The following RMDN2 variants were observed in gnomAD, a reference collection of about 807,000 sequenced individuals.
The protein encoded by RMDN2 is regulator of microtubule dynamics protein 2.
Under a neutral mutation model 52.8 loss-of-function variants are expected in RMDN2, and 61 were observed. The ratio of observed to expected loss-of-function variants is 1.16; its 90% CI spans 0.94 to 1.43. The LOEUF is 1.43. Among genes scored for constraint, RMDN2 ranks in the 40% most tolerant of loss-of-function variants. The pLI is 0.00. For synonymous variants in RMDN2, 180 were observed against 153.1 expected (o/e 1.18, Z -1.30); for missense variants, 592 against 475.3 (o/e 1.25, Z -2.28).
rs148502333 is a variant in RMDN2 at position 37,967,006 on chromosome 2, G to A, written c.453-7034G>A. On this transcript the variant is annotated intron_variant, in intron 2 of 10. Coordinates refer to ENST00000354545, the MANE Select transcript of RMDN2 (RefSeq NM_001170791.3). Reference sequence around the variant, plus strand: ...GTGGAAGAATGGTGAAATCATTGATGCTTTACAAAAAGTTTATGGGGACAG... The same window carrying A: ...GTGGAAGAATGGTGAAATCATTGATACTTTACAAAAAGTTTATGGGGACAG... 6.0e-3 allele frequency among the ~76,000 whole-genome samples: 911 copies of A among 152,222 alleles called. 11 individuals carry two copies. Among genetic ancestry groups the A allele is most frequent in the African/African-American group, 0.021 (852 of 41,536 alleles).
intron 5 of RMDN2, among the ~76,000 whole-genome samples, chr2:37,985,226 A>G (rs1401557402): frequency 6.6e-6 from 1 of 152,180 alleles, no homozygotes; most frequent in Non-Finnish European, 1.5e-5. Context: ...AAAATAGCAG[A>G]AGATAGATTC....
Position 38,013,290 on chromosome 2 carries a change from A to G in RMDN2, c.1180-3896A>G, listed in dbSNP as rs143598576. The stretch of plus-strand genomic sequence containing the variant: ...CTGAGAAAGCTCAAATATAAAAAGC[A>G]TTATGTAATGTTGTATGATAAGAGG... On this transcript the variant is annotated intron_variant, in intron 10 of 10. Transcript: ENST00000354545. Among the ~76,000 whole-genome samples the G allele has an allele frequency of 1.8e-3, 278 of 152,372 alleles. 4 individuals are homozygous for G. The highest frequency in any genetic ancestry group is 6.4e-3 in the African/African-American group (265 of 41,590).
At chr2:37,940,812 A>G (rs1311205289) in intron 2 of RMDN2, among the ~76,000 whole-genome samples, 3 of 152,152 alleles carry the variant, frequency 2.0e-5, no homozygotes, top group African/African-American at 7.2e-5. Flanking sequence ...CAAGGTTCTT[A>G]GTTTCCTTGC....
chr2:37,925,604 CG>C (rs902260268), intron 1 of RMDN2, among the ~76,000 whole-genome samples, 179 bp downstream of exon 1: 20 of 152,236 alleles, frequency 1.3e-4, no homozygotes, highest in Non-Finnish European at 4.4e-5. Flanking sequence ...GCTGGAGCAG[CG>C]GCCCATAGTG....
chr2:38,028,917 A>G (rs956642353), intron 10 of RMDN2, among the ~76,000 whole-genome samples: 2 of 152,068 alleles, frequency 1.3e-5, no homozygotes, highest in African/African-American at 4.8e-5. Context: ...TTGCCTCCTG[A>G]CCATCCCCAG....
At chr2:38,005,845 G>C (rs7560148) in intron 10 of RMDN2, among the ~76,000 whole-genome samples, 2 of 152,106 alleles carry the variant, frequency 1.3e-5, no homozygotes, top group African/African-American at 4.8e-5. Flanking sequence ...GGTCTAACAT[G>C]TAAGTCTTTA....
At chr2:37,968,438 C>CAAAAAAAAAA in intron 2 of RMDN2, among the ~76,000 whole-genome samples, 1 of 89,158 alleles carries the variant, frequency 1.1e-5, no homozygotes, top group Non-Finnish European at 2.1e-5. Context: ...GACTCTGTCT[C>CAAAAAAAAAA]AAAAAAAAAA....
At chr2:38,044,721 G>T (rs948249226) in intron 10 of RMDN2, among the ~76,000 whole-genome samples, 8 of 151,822 alleles carry the variant, frequency 5.3e-5, no homozygotes, top group Middle Eastern at 3.2e-3. Context: ...CAGCATTTTT[G>T]ATTTCTGGCA....
intron 10 of RMDN2, among the ~76,000 whole-genome samples, chr2:38,053,291 G>A (rs141131574): frequency 1.1e-3 from 167 of 152,156 alleles, no homozygotes; most frequent in Middle Eastern, 3.4e-3. Flanking sequence ...TATACAACAA[G>A]TGATCATTAT....
intron 6 of RMDN2, among the ~76,000 whole-genome samples, chr2:37,990,093 G>A (rs377020819): frequency 9.8e-4 from 144 of 146,504 alleles, no homozygotes; most frequent in South Asian, 2.2e-3. Context: ...CAGTGAGCCA[G>A]GGTCACGCCA....
At chr2:37,941,739 C>T (rs1667806379) in intron 2 of RMDN2, among the ~76,000 whole-genome samples, 1 of 152,156 alleles carries the variant, frequency 6.6e-6, no homozygotes, top group African/African-American at 2.4e-5. Flanking sequence ...GTGGATGCCC[C>T]TTCCCCACCA....
intron 10 of RMDN2, among the ~76,000 whole-genome samples, chr2:38,057,576 T>C (rs1478669400): frequency 1.3e-5 from 2 of 152,182 alleles, no homozygotes; most frequent in African/African-American, 4.8e-5. Context: ...TGGAGCCTGA[T>C]ATAGAAACCA....
chr2:38,012,613 A>G (rs1678165360), intron 10 of RMDN2: 4 of 467,956 alleles, frequency 8.5e-6, no homozygotes, highest in South Asian at 1.6e-5. Context: ...TGATGTCTCC[A>G]TTTGTATTCT....
chr2:38,000,411 T>G lies in RMDN2; in HGVS notation c.1044+2897T>G, dbSNP rs532174701. ...AGTTCAGTGAAGTTTGACAAACTTA[T>G]ATACCTATGTAACCACCACTGTAAC... On this transcript the variant is annotated intron_variant, in intron 8 of 10. Transcript: ENST00000354545. Among the ~76,000 whole-genome samples, 9 of 152,358 alleles carry G rather than the reference T, an allele frequency of 5.9e-5. No individual in the cohort carries two copies. In the South Asian group the frequency reaches 1.7e-3, roughly 28 times the overall value.
At chr2:38,050,347 T>TAA (rs1240270212) in intron 10 of RMDN2, among the ~76,000 whole-genome samples, 19 of 143,748 alleles carry the variant, frequency 1.3e-4, no homozygotes, top group African/African-American at 4.4e-4. Context: ...TATCCCCTAT[T>TAA]AAAAAAAAAA....
At chr2:37,921,866 A>T (rs1220586797), upstream of RMDN2, among the ~76,000 whole-genome samples, 1 of 152,218 alleles carries the variant, frequency 6.6e-6, no homozygotes, top group Non-Finnish European at 1.5e-5. Flanking sequence ...AAAATGGAAT[A>T]AGATAATTCA....
At chr2:38,063,838 A>T (rs566370776) in intron 10 of RMDN2, among the ~76,000 whole-genome samples, 1 of 152,336 alleles carries the variant, frequency 6.6e-6, no homozygotes, top group East Asian at 1.9e-4. Flanking sequence ...AATACTTGGT[A>T]TATGTTATCA....
intron 10 of RMDN2, among the ~76,000 whole-genome samples, chr2:38,062,386 T>C (rs1044580907): frequency 3.9e-5 from 6 of 152,236 alleles, no homozygotes; most frequent in Non-Finnish European, 7.3e-5. Flanking sequence ...ATTCAAGTTG[T>C]TGTGTGTATC....
downstream of RMDN2, among the ~76,000 whole-genome samples, chr2:38,020,474 G>A (rs1679264677): frequency 2.0e-5 from 3 of 152,234 alleles, no homozygotes; most frequent in African/African-American, 7.2e-5. Context: ...GCTGGCCAAG[G>A]CCGGAGCCGG....
Sources: allele counts gnomAD v4.1 joint callset (sites outside exome capture counted in the v4.1 genomes callset), GRCh38; gene constraint gnomAD v4.1.1; transcripts MANE v1.5; gene names NCBI Gene and HGNC (gene_info 2026-07-23, HGNC 2026-07-21).